Variants in MYO6 observed in about 807,000 individuals in gnomAD.
The protein encoded by MYO6 is myosin VI.
In MYO6, 74 loss-of-function variants were observed where a neutral mutation model predicts 178.7. The observed-to-expected ratio is 0.41, with a 90% CI of 0.34 to 0.50. MYO6 has a LOEUF of 0.50. MYO6 is among the 20% of genes least tolerant of loss of function. The probability of loss-of-function intolerance (pLI) is 0.09; values close to 1 mark genes in which losing one functional copy is unlikely to be tolerated. For synonymous variants in MYO6, 477 were observed against 504.6 expected (o/e 0.95, Z 0.73); for missense variants, 1,330 against 1,547.4 (o/e 0.86, Z 2.36).
rs1201733764 is a variant in MYO6, at chr6:75,914,079, A to T, written c.3456A>T (p.Ala1152=). ...GTGTAATAGCTCAGCAAAACCCAGC[A>T]GCTCAGATTCCTGCCAGGCAGCGGG... The part of the protein sequence containing the change: ...FLNNSPQQNP[A]AQIPARQREI... The change falls in exon 34 of 35, where the codon GCA becomes GCT. Residue 1152 remains alanine (A), a synonymous_variant. Coordinates refer to ENST00000369977, the MANE Select transcript of MYO6 (RefSeq NM_004999.4). The T allele has an allele frequency of 1.2e-6, 2 of 1,614,046 alleles. No individual in the cohort carries two copies. The highest frequency in any genetic ancestry group is 2.7e-5 in the African/African-American group (2 of 74,926).
intron 1 of MYO6, among the ~76,000 whole-genome samples, chr6:75,813,212 G>GT (rs2150153099): frequency 6.6e-6 from 1 of 152,222 alleles, no homozygotes. Context: ...ATCTGCTGCT[G>GT]TATTCTGAAG....
chr6:75,840,675 A>G lies in MYO6; in HGVS notation c.644A>G (p.Asn215Ser), dbSNP rs1468956944. 2 of 1,607,636 alleles carry G rather than the reference A, an allele frequency of 1.2e-6. No homozygotes were observed. Among genetic ancestry groups the G allele is most frequent in the African/African-American group, 2.7e-5 (2 of 74,772 alleles). ...RFGKFVEIHF[N>S]EKSSVVGGFV... Reference sequence around the variant, plus strand: ...GGGAAATTTGTAGAAATACATTTTAATGAAAAGGTAAGTGAGAGTAAGCTT... The same window carrying G: ...GGGAAATTTGTAGAAATACATTTTAGTGAAAAGGTAAGTGAGAGTAAGCTT... The change falls in exon 8 of 35, where the codon AAT becomes AGT. Residue 215 changes from asparagine (N) to serine (S), a missense_variant. By Grantham distance (46) the Asn-to-Ser change is conservative. This residue lies in a region of MYO6 where 613 missense variants were observed against 816.8 expected (regional missense o/e 0.75). Coordinates refer to ENST00000369977, the MANE Select transcript of MYO6 (RefSeq NM_004999.4).
At chr6:75,844,827 TTG>T in intron 9 of MYO6, 68 bp from the exon 10 acceptor site, 1 of 1,253,170 alleles carries the variant, frequency 8.0e-7, no homozygotes, top group Non-Finnish European at 1.2e-6. Flanking sequence ...ATTTGGTAAG[TTG>T]TGTTTTCTCC....
intron 20 of MYO6, among the ~76,000 whole-genome samples, chr6:75,876,779 G>A (rs1242726842): frequency 6.6e-6 from 1 of 151,934 alleles, no homozygotes; most frequent in Non-Finnish European, 1.5e-5. Context: ...TATCATAATA[G>A]TAATAATGAT....
rs1345605835 is a variant in MYO6 at position 75,914,973 on chromosome 6, C to G, written c.3819C>G (p.Pro1273=). ...CGATTGAGAGCAGACAGGCTCGGCCCACCTATGCAACAGCCATGCTGCAGA... is the reference window on the plus strand; with the variant it reads ...CGATTGAGAGCAGACAGGCTCGGCCGACCTATGCAACAGCCATGCTGCAGA... ...QNAIESRQAR[P]TYATAMLQSL... The change falls in exon 35 of 35, where the codon CCC becomes CCG. Residue 1273 remains proline (P), a synonymous_variant. Transcript: ENST00000369977. 1.9e-6 allele frequency: 3 copies of G among 1,613,598 alleles called. No individual in the cohort carries two copies. Among genetic ancestry groups the G allele is most frequent in the Non-Finnish European group, 2.5e-6 (3 of 1,179,972 alleles).
At chr6:75,813,870 G>A (rs934066143) in intron 1 of MYO6, among the ~76,000 whole-genome samples, 4 of 152,150 alleles carry the variant, frequency 2.6e-5, no homozygotes, top group African/African-American at 9.7e-5. Flanking sequence ...GACCTGCCCT[G>A]TTCTCTATTC....
At chr6:75,848,600 A>C in intron 11 of MYO6, 69 bp downstream of exon 11, 1 of 1,517,318 alleles carries the variant, frequency 6.6e-7, no homozygotes, top group Non-Finnish European at 9.0e-7. Flanking sequence ...GTCATATGAA[A>C]ATTGTCTCTT....
At chr6:75,788,331 T>G (rs1767885377) in intron 1 of MYO6, among the ~76,000 whole-genome samples, 1 of 152,070 alleles carries the variant, frequency 6.6e-6, no homozygotes, top group Non-Finnish European at 1.5e-5. Flanking sequence ...GCCACTGCAC[T>G]CCAGCCTGGG....
At chr6:75,813,824 A>G (rs1446755336) in intron 1 of MYO6, among the ~76,000 whole-genome samples, 1 of 152,082 alleles carries the variant, frequency 6.6e-6, no homozygotes, top group East Asian at 1.9e-4. Context: ...GTGTTTAGAA[A>G]TGCCCAGGAG....
In MYO6 at chr6:75,778,591, C is replaced by T. The variant is rs951087542; in HGVS notation, c.-48+29168C>T. Among the ~76,000 whole-genome samples the T allele has an allele frequency of 5.4e-5, 8 of 148,230 alleles. 1 individual carries two copies. The highest frequency in any genetic ancestry group is 1.7e-4 in the African/African-American group (7 of 40,204). Reference sequence around the variant, plus strand: ...CAGCCTGGGTGACAGAGCGAGACTCCGTCTCAAAAAAAAAAAAAAATTTTT... The same window carrying T: ...CAGCCTGGGTGACAGAGCGAGACTCTGTCTCAAAAAAAAAAAAAAATTTTT... On this transcript the variant is annotated intron_variant, in intron 1 of 34. Coordinates refer to ENST00000369977, the MANE Select transcript of MYO6 (RefSeq NM_004999.4).
chr6:75,900,349 C>T (rs1779656111), intron 30 of MYO6, among the ~76,000 whole-genome samples: 1 of 152,164 alleles, frequency 6.6e-6, no homozygotes, highest in South Asian at 2.1e-4. Flanking sequence ...TACAGTCCCA[C>T]CAACAGTGTA....
chr6:75,873,209 A>G lies in MYO6; in HGVS notation c.1986A>G (p.Gly662=). ...NLLLDKLRST[G]ASFIRCIKPN... is the part of the protein sequence containing the mutation. ...AAAAAGTACCTTTATTTTCCTAGGG[A>G]GCAAGCTTTATTCGTTGCATCAAAC... The change falls in exon 20 of 35, where the codon GGA becomes GGG. Residue 662 remains glycine, a splice_region_variant and synonymous_variant. Coordinates refer to ENST00000369977, the MANE Select transcript of MYO6 (RefSeq NM_004999.4). 6.2e-7 allele frequency: 1 copy of G among 1,613,712 alleles called. No homozygotes were observed. Among genetic ancestry groups the G allele is most frequent in the Non-Finnish European group, 8.5e-7 (1 of 1,179,662 alleles).
intron 6 of MYO6, 25 bp from the exon 7 acceptor site, chr6:75,835,876 A>T: frequency 1.4e-6 from 2 of 1,419,324 alleles, no homozygotes; most frequent in Non-Finnish European, 2.0e-6. Flanking sequence ...TGTCATCAAC[A>T]TTTTTTATCC....
At chr6:75,770,555 C>G (rs1765775127) in intron 1 of MYO6, among the ~76,000 whole-genome samples, 1 of 152,320 alleles carries the variant, frequency 6.6e-6, no homozygotes, top group South Asian at 2.1e-4. Context: ...TGGCTTATTG[C>G]AACCTCCGCC....
chr6:75,786,664 G>A (rs770277726), intron 1 of MYO6, among the ~76,000 whole-genome samples: 1 of 152,118 alleles, frequency 6.6e-6, no homozygotes, highest in Admixed American at 6.6e-5. Context: ...GGGCTGTACT[G>A]TACAGTGAAT....
intron 15 of MYO6, 139 bp downstream of exon 15, chr6:75,861,234 T>A: frequency 1.4e-6 from 1 of 727,592 alleles, no homozygotes; most frequent in Non-Finnish European, 2.4e-6. Context: ...ACTTCTGTAT[T>A]ACTGCCTGGA....
chr6:75,840,108 A>G (rs12197993), intron 7 of MYO6, among the ~76,000 whole-genome samples: 19,627 of 151,344 alleles, frequency 0.13, 1,350 homozygotes, highest in Non-Finnish European at 0.15. Context: ...ATAGTGGGTA[A>G]TCAATAAATA....
At chr6:75,874,470 G>A (rs13216921) in intron 20 of MYO6, among the ~76,000 whole-genome samples, 19,499 of 152,196 alleles carry the variant, frequency 0.13, 1,325 homozygotes, top group Non-Finnish European at 0.15. Context: ...TCTGCTGTCA[G>A]ATGGGCTTAC....
chr6:75,880,589 C>T (rs1777931835), intron 22 of MYO6, among the ~76,000 whole-genome samples: 1 of 152,316 alleles, frequency 6.6e-6, no homozygotes, highest in African/African-American at 2.4e-5. Context: ...TGGACTACAG[C>T]GTGGACAATC....
Sources: gnomAD v4.1 joint callset for allele counts (sites outside exome capture counted in the v4.1 genomes callset) on GRCh38, gnomAD v4.1.1 for gene constraint, gnomAD v4.1.1 regional missense constraint, MANE v1.5 for transcripts, NCBI Gene and HGNC (gene_info 2026-07-23, HGNC 2026-07-21) for gene names.